Variants in HECTD4 observed in about 807,000 individuals in gnomAD.
The protein encoded by HECTD4 is HECT domain E3 ubiquitin protein ligase 4, also known as probable E3 ubiquitin-protein ligase HECTD4.
In HECTD4, 114 loss-of-function variants were observed where a neutral mutation model predicts 471.5. The observed-to-expected ratio is 0.24, with a 90% CI of 0.21 to 0.28. The LOEUF is 0.28. Ranked by LOEUF, HECTD4 falls within the 10% of genes least tolerant of loss-of-function variation. The probability of loss-of-function intolerance (pLI) is 1.00; values close to 1 mark genes in which losing one functional copy is unlikely to be tolerated. For synonymous variants in HECTD4, 2,012 were observed against 2,256.0 expected (o/e 0.89, Z 3.07); for missense variants, 3,866 against 5,651.5 (o/e 0.68, Z 10.13).
chr12:112,192,563 G>A lies in HECTD4; in HGVS notation c.9289C>T (p.Leu3097=). The A allele has an allele frequency of 6.4e-7, 1 of 1,563,062 alleles. No individual in the cohort carries two copies. Among genetic ancestry groups the A allele is most frequent in the Non-Finnish European group, 8.7e-7 (1 of 1,151,424 alleles). The change falls in exon 59 of 76, where the codon CTG becomes TTG. Residue 3097 remains leucine, a synonymous_variant. Coordinates refer to ENST00000682272, the MANE Select transcript of HECTD4 (RefSeq NM_001388303.1). ...VLSTDRVHIK[L]GVSPPPGAVL... is the part of the protein sequence containing the mutation. ...TGACAAGCTGCTGGAGACTCACCCA[G>A]TTTGATGTGGACCCTGTCTGTGGAG...
chr12:112,253,228 G>A (rs2033935215), intron 22 of HECTD4, among the ~76,000 whole-genome samples: 2 of 151,880 alleles, frequency 1.3e-5, no homozygotes, highest in South Asian at 4.2e-4. Context: ...GGGTTTAAGC[G>A]ATTCTCCTGT....
In HECTD4 at chr12:112,314,496, G is replaced by T; in HGVS notation, c.746C>A (p.Thr249Lys). The T allele has an allele frequency of 6.5e-7, 1 of 1,532,066 alleles. No homozygotes were observed. Among genetic ancestry groups the T allele is most frequent in the Non-Finnish European group, 8.7e-7 (1 of 1,143,308 alleles). The allele number at this position is 1,532,066 out of a possible 1,614,324, so 94.9% of individuals were successfully genotyped here. The change falls in exon 3 of 76, where the codon ACG becomes AAG. Residue 249 changes from threonine (T) to lysine (K), a missense_variant. Around this residue, in one of 16 missense-constraint regions of HECTD4, gnomAD observed 440 missense variants for 636.0 expected, o/e 0.69. Coordinates refer to ENST00000682272, the MANE Select transcript of HECTD4 (RefSeq NM_001388303.1). ...VHTVHLLQKQTDLGSLPVADV... is the reference protein window; with the variant it reads ...VHTVHLLQKQKDLGSLPVADV... Reference sequence around the variant, plus strand: ...AGCTACAGGCAGGGACCCTAGATCCGTCTGTTTCTGTAATAGATGGACTGT... The same window carrying T: ...AGCTACAGGCAGGGACCCTAGATCCTTCTGTTTCTGTAATAGATGGACTGT...
chr12:112,284,542 G>A (rs2034709983), intron 7 of HECTD4, among the ~76,000 whole-genome samples: 1 of 152,280 alleles, frequency 6.6e-6, no homozygotes, highest in South Asian at 2.1e-4. Flanking sequence ...TGTACGTAGT[G>A]GGGGAGTCTT....
chr12:112,261,352 C>G lies in HECTD4; in HGVS notation c.2826G>C (p.Gln942His). 6.2e-7 allele frequency: 1 copy of G among 1,611,566 alleles called. No homozygotes were observed. The highest frequency in any genetic ancestry group is 8.5e-7 in the Non-Finnish European group (1 of 1,177,840). ...GCDEVLEMLQQVTTALINSDI... is the reference protein window; with the variant it reads ...GCDEVLEMLQHVTTALINSDI... Reference sequence around the variant, plus strand: ...CACTATTTATGAGGGCAGTTGTGACCTGCTGTAGCATTTCCAACACTTCAT... The same window carrying G: ...CACTATTTATGAGGGCAGTTGTGACGTGCTGTAGCATTTCCAACACTTCAT... Residue 942 changes from glutamine to histidine, a missense_variant, in exon 18 of 76, where the codon CAG becomes CAC. This residue lies in a region of HECTD4 where 525 missense variants were observed against 672.6 expected (regional missense o/e 0.78). Coordinates refer to ENST00000682272, the MANE Select transcript of HECTD4 (RefSeq NM_001388303.1).
chr12:112,366,376 A>G (rs2036558506), intron 1 of HECTD4, among the ~76,000 whole-genome samples: 1 of 151,938 alleles, frequency 6.6e-6, no homozygotes. Flanking sequence ...AAAAATTAGT[A>G]AGGCATGGTG....
chr12:112,183,159 T>G lies in HECTD4; in HGVS notation c.10887A>C (p.Ser3629=). Residue 3629 remains serine, a synonymous_variant, in exon 62 of 76, where the codon TCA becomes TCC. Coordinates refer to ENST00000682272, the MANE Select transcript of HECTD4 (RefSeq NM_001388303.1). ...CAGACACGGTTAGAATCTCTTCTGTTGACATTTCCATCAATTCATCTTCAC... is the reference window on the plus strand; with the variant it reads ...CAGACACGGTTAGAATCTCTTCTGTGGACATTTCCATCAATTCATCTTCAC... ...LDGEDELMEM[S]TEEILTVSVV... The G allele has an allele frequency of 6.2e-7, 1 of 1,613,596 alleles. No homozygotes were observed. Among genetic ancestry groups the G allele is most frequent in the Non-Finnish European group, 8.5e-7 (1 of 1,179,508 alleles).
chr12:112,309,644 C>T lies in HECTD4; in HGVS notation c.942G>A (p.Thr314=), dbSNP rs562656651. The change falls in exon 5 of 76, where the codon ACG becomes ACA. Residue 314 remains threonine (T), a synonymous_variant. Transcript: ENST00000682272. ...TAGTATACAGGTAAAGACCATCTGC[C>T]GTGAGACAGCGTCCCAAGTCAGCAT... is the stretch of plus-strand genomic sequence containing the variant. ...NKDADLGRCL[T]ADGLYLYTTN... 5.2e-6 allele frequency: 8 copies of T among 1,530,678 alleles called. No individual in the cohort carries two copies. The highest frequency in any genetic ancestry group is 2.4e-5 in the East Asian group (1 of 40,834). 94.8% of individuals were successfully genotyped at this position (1,530,678 alleles called of 1,614,324 possible). A position where few individuals can be genotyped will look rare whatever the true frequency, so the allele number is the denominator to read the frequency against.
chr12:112,244,878 T>C (rs1280411828), intron 29 of HECTD4, among the ~76,000 whole-genome samples: 2 of 152,168 alleles, frequency 1.3e-5, no homozygotes, highest in Non-Finnish European at 2.9e-5. Flanking sequence ...TCCAGGGAAA[T>C]AGATGTTTTA....
intron 8 of HECTD4, among the ~76,000 whole-genome samples, chr12:112,280,054 G>T (rs1279528767): frequency 6.6e-5 from 10 of 150,582 alleles, no homozygotes; most frequent in South Asian, 6.3e-4. Context: ...CAAGATCTTG[G>T]TTTTTTTTTC....
intron 1 of HECTD4, among the ~76,000 whole-genome samples, chr12:112,365,758 T>C (rs1278459490): frequency 6.9e-6 from 1 of 144,150 alleles, no homozygotes. Context: ...GCTGCTTCTT[T>C]GTGTTTTTTT....
chr12:112,204,010 A>G (rs1170224051), intron 53 of HECTD4, among the ~76,000 whole-genome samples: 6 of 152,252 alleles, frequency 3.9e-5, no homozygotes, highest in African/African-American at 1.4e-4. Flanking sequence ...GAAGAATAAA[A>G]AGACAAATAA....
intron 23 of HECTD4, among the ~76,000 whole-genome samples, chr12:112,251,627 G>A (rs530676270): frequency 6.6e-5 from 10 of 152,310 alleles, no homozygotes; most frequent in East Asian, 1.9e-4. Context: ...CTGCTCTCAC[G>A]GAGCTTACAT....
rs1054606486 is a variant in HECTD4 at position 112,192,709 on chromosome 12, T to G, written c.9143A>C (p.Lys3048Thr). The change falls in exon 59 of 76, where the codon AAA (lysine) becomes ACA (threonine). Residue 3048 changes from lysine to threonine, a missense_variant. By Grantham distance (78) the Lys-to-Thr change is moderately conservative. Coordinates refer to ENST00000682272, the MANE Select transcript of HECTD4 (RefSeq NM_001388303.1). The part of the protein sequence containing the change: ...ARVLVYGLGH[K>T]VKRNGQLNLI... The stretch of plus-strand genomic sequence containing the variant: ...GTTCAGCTGGCCATTTCGCTTCACT[T>G]TGTGGCCGAGGCCATATACGAGCAC... The G allele has an allele frequency of 6.2e-7, 1 of 1,600,072 alleles. No homozygotes were observed. The highest frequency in any genetic ancestry group is 8.5e-7 in the Non-Finnish European group (1 of 1,173,880).
rs373511610 is a variant in HECTD4, at chr12:112,210,224, G to T, written c.7658C>A (p.Ser2553Tyr). ...CCCTTCCGCGTAGGCAAACGGCCGGGAGCCAAAGTTAGCTCGGGTTTTGGT... is the reference window on the plus strand; with the variant it reads ...CCCTTCCGCGTAGGCAAACGGCCGGTAGCCAAAGTTAGCTCGGGTTTTGGT... ...KNTKTRANFG[S>Y]RPFAYAEGQA... The change falls in exon 50 of 76, where the codon TCC becomes TAC. Residue 2553 changes from serine to tyrosine, a missense_variant. Ser to Tyr is a moderately radical substitution (Grantham distance 144). Coordinates refer to ENST00000682272, the MANE Select transcript of HECTD4 (RefSeq NM_001388303.1). The T allele has an allele frequency of 6.2e-7, 1 of 1,613,858 alleles. No homozygotes were observed. The highest frequency in any genetic ancestry group is 1.3e-5 in the African/African-American group (1 of 74,950).
At chr12:112,320,791 A>AAT (rs1168981965) in intron 1 of HECTD4, among the ~76,000 whole-genome samples, 3 of 152,118 alleles carry the variant, frequency 2.0e-5, no homozygotes, top group African/African-American at 7.2e-5. Flanking sequence ...TTCAAAACCT[A>AAT]ATATATATAT....
chr12:112,252,878 T>C (rs571129645), intron 22 of HECTD4, among the ~76,000 whole-genome samples: 20 of 152,064 alleles, frequency 1.3e-4, no homozygotes, highest in African/African-American at 4.8e-4. Context: ...GGCACAATCA[T>C]GGCTCACTGC....
At chr12:112,300,318 AAAAAAGAAAGAAAG>A (rs1290656152) in intron 7 of HECTD4, among the ~76,000 whole-genome samples, 5 of 151,830 alleles carry the variant, frequency 3.3e-5, no homozygotes, top group East Asian at 1.9e-4. Flanking sequence ...AAAAAAAAAA[AAAAAAGAAAGAAAG>A]AAAAAGAAAG....
At chr12:112,302,976 CTCT>C (rs1214668653) in intron 7 of HECTD4, among the ~76,000 whole-genome samples, 97 of 137,138 alleles carry the variant, frequency 7.1e-4, no homozygotes, top group African/African-American at 2.7e-3. Context: ...ATTTTGTCTG[CTCT>C]TTTTTTTTTT....
At chr12:112,349,003 G>T (rs2135734768) in intron 1 of HECTD4, among the ~76,000 whole-genome samples, 1 of 152,072 alleles carries the variant, frequency 6.6e-6, no homozygotes, top group Admixed American at 6.6e-5. Context: ...GAGGAGGAGG[G>T]ATATGATATC....
Sources: gnomAD v4.1 joint callset for allele counts (sites outside exome capture counted in the v4.1 genomes callset) on GRCh38, gnomAD v4.1.1 for gene constraint, gnomAD v4.1.1 regional missense constraint, MANE v1.5 for transcripts, NCBI Gene and HGNC (gene_info 2026-07-23, HGNC 2026-07-21) for gene names.